IL1RAPL2: variants seen among roughly 807,000 people sequenced by gnomAD.
IL1RAPL2 encodes X-linked interleukin-1 receptor accessory protein-like 2.
A neutral mutation model predicts 44.1 loss-of-function variants in IL1RAPL2; 3 were observed. That is an observed-to-expected ratio of 0.07 (90% CI 0.03 to 0.18). The LOEUF (loss-of-function observed/expected upper bound fraction) is 0.18. Among genes scored for constraint, IL1RAPL2 ranks in the 10% least tolerant of loss-of-function variants. The probability of loss-of-function intolerance (pLI) is 1.00; values close to 1 mark genes in which losing one functional copy is unlikely to be tolerated. For missense variants in IL1RAPL2, 391 were observed against 496.4 expected, an observed-to-expected ratio of 0.79 and a Z score of 2.02; for synonymous variants, 181 against 178.8, an observed-to-expected ratio of 1.01 and a Z score of -0.10.
chrX:105,714,348 G>A (rs1188720870), intron 6 of IL1RAPL2, among the ~76,000 whole-genome samples: 1 of 111,156 alleles, frequency 9.0e-6, no homozygotes, highest in African/African-American at 3.3e-5. Flanking sequence ...CTCCAGATTC[G>A]TTCAGCCTCT....
intron 2 of IL1RAPL2, among the ~76,000 whole-genome samples, chrX:104,666,363 T>A: frequency 8.9e-6 from 1 of 112,173 alleles, no homozygotes; most frequent in Non-Finnish European, 1.9e-5. Context: ...AATTATTTAA[T>A]GAAAGCTGGA....
intron 2 of IL1RAPL2, among the ~76,000 whole-genome samples, chrX:104,884,960 G>T (rs1298070702): frequency 9.0e-6 from 1 of 111,292 alleles, no homozygotes; most frequent in African/African-American, 3.3e-5. Context: ...GCTGTAGGGG[G>T]AATGGAATTT....
At chrX:104,575,969 C>G (rs889856188) in intron 1 of IL1RAPL2, among the ~76,000 whole-genome samples, 3 of 111,569 alleles carry the variant, frequency 2.7e-5, no homozygotes, top group East Asian at 5.6e-4. Flanking sequence ...TTTCCTAGGT[C>G]TTATTTAATG....
chrX:105,007,363 A>G (rs1385126658), intron 2 of IL1RAPL2, among the ~76,000 whole-genome samples: 1 of 111,566 alleles, frequency 9.0e-6, no homozygotes, highest in Non-Finnish European at 1.9e-5. Flanking sequence ...TTTGTCCAGA[A>G]CTAAACTAAA....
chrX:105,507,594 G>A (rs1055914931), intron 6 of IL1RAPL2, among the ~76,000 whole-genome samples: 2 of 111,237 alleles, frequency 1.8e-5, no homozygotes, highest in Admixed American at 1.9e-4. Flanking sequence ...TTTTGAGAAG[G>A]AATTATACTA....
At chrX:105,125,794 C>T (rs2032968826) in intron 2 of IL1RAPL2, among the ~76,000 whole-genome samples, 1 of 110,125 alleles carries the variant, frequency 9.1e-6, no homozygotes, top group African/African-American at 3.3e-5. Context: ...ATGTGGGTTC[C>T]ACAGAACTGA....
chrX:104,690,326 C>T (rs1278285820), intron 2 of IL1RAPL2, among the ~76,000 whole-genome samples: 1 of 112,319 alleles, frequency 8.9e-6, no homozygotes, highest in African/African-American at 3.2e-5. Flanking sequence ...ATGCCAATAT[C>T]GCCAAGGGCC....
At chrX:104,798,506 A>T (rs944557145) in intron 2 of IL1RAPL2, among the ~76,000 whole-genome samples, 22 of 109,535 alleles carry the variant, frequency 2.0e-4, no homozygotes, top group African/African-American at 4.7e-4. Context: ...AAAATAAAAA[A>T]AAAAAAAAAA....
At chrX:105,332,827 T>C (rs1172332870) in intron 5 of IL1RAPL2, among the ~76,000 whole-genome samples, 1 of 111,393 alleles carries the variant, frequency 9.0e-6, no homozygotes. Flanking sequence ...AAGTTCTCCG[T>C]AATGAAAACT....
At chrX:104,655,206 C>G (rs1209388991) in intron 1 of IL1RAPL2, among the ~76,000 whole-genome samples, 1 of 111,604 alleles carries the variant, frequency 9.0e-6, no homozygotes, top group Non-Finnish European at 1.9e-5. Flanking sequence ...ATTTCCAACG[C>G]TATGTCGAAT....
chrX:104,652,441 T>C (rs1930170421), intron 1 of IL1RAPL2, among the ~76,000 whole-genome samples: 1 of 112,217 alleles, frequency 8.9e-6, no homozygotes, highest in African/African-American at 3.2e-5. Flanking sequence ...GTTATCTACA[T>C]AGATTTTGTT....
chrX:105,113,529 T>C (rs901663313), intron 2 of IL1RAPL2, among the ~76,000 whole-genome samples: 9 of 112,093 alleles, frequency 8.0e-5, no homozygotes, highest in African/African-American at 2.6e-4. Flanking sequence ...CAAAATGAGA[T>C]TCTTTATGTT....
At chrX:104,630,035 G>A (rs1369680931) in intron 1 of IL1RAPL2, among the ~76,000 whole-genome samples, 1 of 111,396 alleles carries the variant, frequency 9.0e-6, no homozygotes, top group Non-Finnish European at 1.9e-5. Context: ...CCAGGCTGGA[G>A]TGCAGTGGTG....
chrX:105,055,762 T>G (rs1475679604), intron 2 of IL1RAPL2, among the ~76,000 whole-genome samples: 2 of 104,486 alleles, frequency 1.9e-5, no homozygotes, highest in Non-Finnish European at 3.9e-5. Flanking sequence ...CCGAAACCAC[T>G]GTAGGAAAAG....
intron 5 of IL1RAPL2, among the ~76,000 whole-genome samples, chrX:105,268,440 G>A (rs747819115): frequency 9.0e-6 from 1 of 111,042 alleles, no homozygotes; most frequent in South Asian, 3.8e-4. Flanking sequence ...TAAGTCTAGT[G>A]ATTTAATGTA....
intron 2 of IL1RAPL2, among the ~76,000 whole-genome samples, chrX:104,946,379 CAAAAAAAAAAAAAAAAAAAA>C (rs1157603029): frequency 1.1e-4 from 1 of 9,140 alleles, no homozygotes; most frequent in Non-Finnish European, 1.6e-4. Flanking sequence ...GACTCCGTCT[CAAAAAAAAAAAAAAAAAAAA>C]AAAAAAAAAA....
intron 1 of IL1RAPL2, among the ~76,000 whole-genome samples, chrX:104,572,464 G>A (rs1235975466): frequency 8.9e-6 from 1 of 112,158 alleles, no homozygotes; most frequent in Admixed American, 9.5e-5. Flanking sequence ...TTTCCCTGAA[G>A]TATTTTTCCT....
chrX:105,115,222 T>G (rs766110917), intron 2 of IL1RAPL2, among the ~76,000 whole-genome samples: 1 of 111,499 alleles, frequency 9.0e-6, no homozygotes, highest in African/African-American at 3.3e-5. Flanking sequence ...ACCTTCGTGG[T>G]GAGTGTTACA....
intron 1 of IL1RAPL2, among the ~76,000 whole-genome samples, chrX:104,585,344 T>TATATATATTATATA (rs1928524020): frequency 2.5e-4 from 3 of 12,109 alleles, no homozygotes; most frequent in African/African-American, 1.1e-3. Flanking sequence ...TATTATATAT[T>TATATATATTATATA]ATATATATTA....
Sources: allele counts gnomAD v4.1 joint callset (sites outside exome capture counted in the v4.1 genomes callset), GRCh38; gene constraint gnomAD v4.1.1; transcripts MANE v1.5; gene names NCBI Gene and HGNC (gene_info 2026-07-23, HGNC 2026-07-21).